Variants in INTS10 observed in about 807,000 individuals in gnomAD.
INTS10 encodes chromosome 8 open reading frame 35.
A neutral mutation model predicts 94.4 loss-of-function variants in INTS10; 44 were observed. The observed-to-expected ratio is 0.47, with a 90% confidence interval of 0.37 to 0.60. The LOEUF is 0.60. INTS10 is among the 20% of genes least tolerant of loss of function. The pLI, the probability that INTS10 is intolerant of heterozygous loss-of-function variation, is 0.00. For synonymous variants in INTS10, 341 were observed against 320.7 expected, an observed-to-expected ratio of 1.06 and a Z score of -0.68; for missense variants, 797 against 868.7, an observed-to-expected ratio of 0.92 and a Z score of 1.04.
intron 9 of INTS10, 43 bp downstream of exon 9, chr8:19,826,602 C>G (rs1343641064): frequency 6.4e-7 from 1 of 1,564,240 alleles, no homozygotes; most frequent in Admixed American, 2.0e-5. Context: ...GGATGGGACG[C>G]TTTGCTAGAG....
At position 19,849,452 on chromosome 8, in the gene INTS10, A is replaced by G. The variant is rs2068843055; in HGVS notation, c.1977-2197A>G. 6.6e-6 allele frequency among the ~76,000 whole-genome samples: 1 copy of G among 152,202 alleles called. No homozygotes were observed. Among genetic ancestry groups the G allele is most frequent in the Non-Finnish European group, 1.5e-5 (1 of 68,048 alleles). On this transcript the variant is annotated intron_variant, in intron 16 of 16. Coordinates refer to ENST00000397977, the MANE Select transcript of INTS10 (RefSeq NM_018142.4). The surrounding 1 kb of genome is among the most constrained non-coding windows in gnomAD (Gnocchi z 4.6). ...CAGTGTGTTTGTGTTCGATTTAAAA[A>G]TCATTATGGATCTGGAAAAAACAAT...
chr8:19,823,723 T>G (rs958491710), intron 6 of INTS10, 150 bp from the exon 7 acceptor site: 1 of 656,014 alleles, frequency 1.5e-6, no homozygotes, highest in Non-Finnish European at 2.6e-6. Flanking sequence ...CTTATACCAG[T>G]GGCCTCTTGT....
In INTS10 at chr8:19,851,791, C is replaced by T. The variant is rs1428903068; in HGVS notation, c.2119C>T (p.Gln707Ter). The T allele has an allele frequency of 6.2e-7, 1 of 1,614,018 alleles. No individual in the cohort carries two copies. Among genetic ancestry groups the T allele is most frequent in the Non-Finnish European group, 8.5e-7 (1 of 1,179,988 alleles). The stretch of plus-strand genomic sequence containing the variant: ...CATTAATGAGAAGATCTTGCTCCTT[C>T]AGACTCTGACCTGAGTGGAGACCTT... ...FCINEKILLL[Q>*]TLT Residue 707 changes from glutamine to a stop codon, truncating the protein, a stop_gained, in exon 17 of 17, where the codon CAG becomes TAG. Coordinates refer to ENST00000397977, the MANE Select transcript of INTS10 (RefSeq NM_018142.4). LOFTEE classifies it high-confidence loss of function. This position sits in a 1 kb window ranked among gnomAD's most constrained non-coding sequence, Gnocchi z 5.0.
intron 12 of INTS10, 74 bp from the exon 13 acceptor site, chr8:19,836,978 A>G (rs1305402792): frequency 1.1e-5 from 10 of 937,462 alleles, no homozygotes; most frequent in Non-Finnish European, 1.6e-5. Context: ...GTATGCTGCA[A>G]ATATTTTGGT....
At chr8:19,837,244 C>T in intron 13 of INTS10, 84 bp downstream of exon 13, 1 of 874,382 alleles carries the variant, frequency 1.1e-6, no homozygotes, top group Non-Finnish European at 1.9e-6. Flanking sequence ...ATCTCAGCTA[C>T]TCGGAAGTCG....
chr8:19,822,487 G>A lies in INTS10; in HGVS notation c.490G>A (p.Glu164Lys). ...LLEAETIEEQ[E>K]SPVNCFRKLF... ...AGAGGCTGAAACTATTGAAGAACAA[G>A]AATCTCCAGTGAACTGCTTTAGAAA... Residue 164 changes from glutamate to lysine, a missense_variant, in exon 5 of 17, where the codon GAA (glutamate) becomes AAA (lysine). Transcript: ENST00000397977. 1.2e-6 allele frequency: 2 copies of A among 1,611,668 alleles called. No homozygotes were observed. The highest frequency in any genetic ancestry group is 1.7e-6 in the Non-Finnish European group (2 of 1,177,908).
intron 13 of INTS10, among the ~76,000 whole-genome samples, chr8:19,840,306 G>C (rs2128798818): frequency 6.6e-6 from 1 of 152,200 alleles, no homozygotes; most frequent in South Asian, 2.1e-4. Flanking sequence ...GACAGATCAT[G>C]TTTCTATATC....
intron 16 of INTS10, among the ~76,000 whole-genome samples, chr8:19,847,243 C>T (rs1216957176): frequency 6.6e-6 from 1 of 152,152 alleles, no homozygotes. Context: ...AAGAACAGTG[C>T]TCTTTTTAAA....
intron 9 of INTS10, among the ~76,000 whole-genome samples, chr8:19,827,647 C>T (rs2066905453): frequency 6.6e-6 from 1 of 152,100 alleles, no homozygotes. Flanking sequence ...GCTGTTTAAA[C>T]CTGGTCCAGC....
chr8:19,834,479 C>T (rs1238282384), intron 12 of INTS10, among the ~76,000 whole-genome samples: 1 of 152,126 alleles, frequency 6.6e-6, no homozygotes, highest in Non-Finnish European at 1.5e-5. Flanking sequence ...ACTTAAAAGG[C>T]AGCACGTATT....
At chr8:19,823,580 A>G (rs2066557750) in intron 6 of INTS10, 139 bp downstream of exon 6, 2 of 678,360 alleles carry the variant, frequency 2.9e-6, no homozygotes, top group Non-Finnish European at 4.9e-6. Flanking sequence ...ATCTAGAAAA[A>G]AAATACTAAA....
At chr8:19,845,662 G>C in intron 15 of INTS10, 42 bp from the exon 16 acceptor site, 1 of 1,429,320 alleles carries the variant, frequency 7.0e-7, no homozygotes, top group African/African-American at 1.4e-5. Flanking sequence ...GAGAAAACTA[G>C]CACCTTTTTT....
In INTS10 at chr8:19,819,616, A is replaced by C. The variant is rs748923104; in HGVS notation, c.241A>C (p.Ser81Arg). 6.2e-7 allele frequency: 1 copy of C among 1,613,648 alleles called. No homozygotes were observed. Among genetic ancestry groups the C allele is most frequent in the Admixed American group, 1.7e-5 (1 of 60,028 alleles). Residue 81 changes from serine to arginine, a missense_variant, in exon 3 of 17, where the codon AGC becomes CGC. Physicochemically the swap from Ser to Arg is moderately radical, Grantham distance 110. Around this residue, in one of 3 missense-constraint regions of INTS10, gnomAD observed 734 missense variants for 787.8 expected, o/e 0.93. Transcript: ENST00000397977. ...PDQPVVWREISIITSALRNDS... is the reference protein window; with the variant it reads ...PDQPVVWREIRIITSALRNDS... ...CCAGCCGGTGGTGTGGAGAGAAATC[A>C]GCATTATTACATCAGCATTAAGGAA...
At chr8:19,826,899 C>T (rs1333283218) in intron 9 of INTS10, among the ~76,000 whole-genome samples, 5 of 152,030 alleles carry the variant, frequency 3.3e-5, no homozygotes, top group African/African-American at 7.2e-5. Context: ...TGAATGGCAT[C>T]GATTCAGTTT....
intron 11 of INTS10, among the ~76,000 whole-genome samples, 169 bp from the exon 12 acceptor site, chr8:19,833,000 T>C (rs1373025746): frequency 6.6e-6 from 1 of 152,210 alleles, no homozygotes; most frequent in East Asian, 1.9e-4. Context: ...TTAATTAAGT[T>C]GATTTGATTC....
chr8:19,838,547 T>C (rs1013494367), intron 13 of INTS10, among the ~76,000 whole-genome samples: 3 of 152,290 alleles, frequency 2.0e-5, no homozygotes, highest in Admixed American at 2.0e-4. Flanking sequence ...ACACAAACTC[T>C]TATCAGAAAA....
chr8:19,826,679 A>G (rs956289884), intron 9 of INTS10, 120 bp downstream of exon 9: 11 of 900,916 alleles, frequency 1.2e-5, no homozygotes, highest in Non-Finnish European at 1.5e-5. Flanking sequence ...ATTGTATGAT[A>G]TATTAATAAT....
chr8:19,836,043 C>T (rs1012246667), intron 12 of INTS10, among the ~76,000 whole-genome samples: 2 of 152,048 alleles, frequency 1.3e-5, no homozygotes, highest in Non-Finnish European at 2.9e-5. Flanking sequence ...ATACCTAAGG[C>T]ATGCAAGACT....
rs943500974 is a variant in INTS10, at chr8:19,826,997, A to G, written c.1140+438A>G. Among the ~76,000 whole-genome samples, 10 of 152,316 alleles carry G rather than the reference A, an allele frequency of 6.6e-5. No individual in the cohort carries two copies. In the East Asian group the frequency reaches 1.7e-3, roughly 26 times the overall value. On this transcript the variant is annotated intron_variant, in intron 9 of 16. Transcript: ENST00000397977. ...CGGAATGGGAAGCTCTGAGGTGGGC[A>G]GGGCAGCAGGAACAGCCTATGGGCA...
Sources: gnomAD v4.1 joint callset for allele counts (sites outside exome capture counted in the v4.1 genomes callset) on GRCh38, gnomAD v4.1.1 for gene constraint, gnomAD v4.1.1 regional missense constraint, Gnocchi (gnomAD v3.1) non-coding constraint, MANE v1.5 for transcripts, NCBI Gene and HGNC (gene_info 2026-07-23, HGNC 2026-07-21) for gene names.